Variants in FAT4 observed in about 807,000 individuals in gnomAD.
FAT4 encodes FAT atypical cadherin 4, also known as protocadherin Fat 4.
A neutral mutation model predicts 303.9 loss-of-function variants in FAT4; 84 were observed. The ratio of observed to expected loss-of-function variants is 0.28; its 90% CI spans 0.23 to 0.33. The LOEUF (loss-of-function observed/expected upper bound fraction) is 0.33. Ranked by LOEUF, FAT4 falls within the 10% of genes least tolerant of loss-of-function variation. The pLI is 1.00. For synonymous variants in FAT4, 2,307 were observed against 2,298.8 expected (o/e 1.00, Z -0.10); for missense variants, 6,005 against 6,146.8 (o/e 0.98, Z 0.77).
At chr4:125,355,509 C>T (rs987199797) in intron 2 of FAT4, among the ~76,000 whole-genome samples, 2 of 151,950 alleles carry the variant, frequency 1.3e-5, no homozygotes, top group Admixed American at 1.3e-4. Context: ...TTTTTACTAG[C>T]TTTGTGCCCT....
At chr4:125,385,023 TA>T (rs373856910) in intron 2 of FAT4, among the ~76,000 whole-genome samples, 13,656 of 67,346 alleles carry the variant, frequency 0.2, 662 homozygotes, top group East Asian at 0.28. Flanking sequence ...TATATATATA[TA>T]TTTTTTTTTT....
chr4:125,468,551 T>G lies in FAT4; in HGVS notation c.11945T>G (p.Phe3982Cys), dbSNP rs374280237. 9.5e-5 allele frequency: 154 copies of G among 1,612,974 alleles called. No individual in the cohort carries two copies. The highest frequency in any genetic ancestry group is 1.3e-4 in the Non-Finnish European group (151 of 1,179,228). ...GKHCELNSYG[F>C]EELSYMEFPS... ...CACTGCGAGTTGAACAGTTATGGAT[T>G]TGAGGAGTTATCATACATGGAATTT... The change falls in exon 12 of 18, where the codon TTT (phenylalanine) becomes TGT (cysteine). Residue 3982 changes from phenylalanine (F) to cysteine (C), a missense_variant. Transcript: ENST00000394329.
At position 125,415,642 on chromosome 4, in the gene FAT4, T is replaced by C. The variant is rs746068926; in HGVS notation, c.6679T>C (p.Leu2227=). ...LDREKTPTYH[L]TVQATDRGST... is the part of the protein sequence containing the mutation. ...TAGAGAAAAGACCCCTACCTACCAT[T>C]TAACTGTTCAGGCAACAGATCGAGG... Residue 2227 remains leucine (L), a synonymous_variant, in exon 6 of 18, where the codon TTA becomes CTA. Transcript: ENST00000394329. 6.2e-7 allele frequency: 1 copy of C among 1,614,008 alleles called. No homozygotes were observed. Among genetic ancestry groups the C allele is most frequent in the Admixed American group, 1.7e-5 (1 of 59,988 alleles).
chr4:125,456,668 G>T (rs1246327110), intron 10 of FAT4, among the ~76,000 whole-genome samples: 1 of 151,972 alleles, frequency 6.6e-6, no homozygotes, highest in Non-Finnish European at 1.5e-5. Flanking sequence ...TTTTGTAGAG[G>T]TAATCTCTGA....
intron 5 of FAT4, among the ~76,000 whole-genome samples, chr4:125,413,183 G>T (rs901467766): frequency 6.6e-6 from 1 of 151,726 alleles, no homozygotes; most frequent in Non-Finnish European, 1.5e-5. Flanking sequence ...TGTGAAGATA[G>T]TGGAAATTTT....
intron 6 of FAT4, 96 bp from the exon 7 acceptor site, chr4:125,416,352 A>C: frequency 9.2e-7 from 1 of 1,084,204 alleles, no homozygotes; most frequent in Non-Finnish European, 1.3e-6. Context: ...GGAATCTCTT[A>C]ACATAGTTTT....
At chr4:125,392,568 C>T (rs1050329528) in intron 2 of FAT4, among the ~76,000 whole-genome samples, 1 of 152,098 alleles carries the variant, frequency 6.6e-6, no homozygotes, top group Non-Finnish European at 1.5e-5. Flanking sequence ...CTGATATTTA[C>T]AGAGAATTTA....
At chr4:125,409,318 G>A in intron 5 of FAT4, among the ~76,000 whole-genome samples, 1 of 150,764 alleles carries the variant, frequency 6.6e-6, no homozygotes, top group Admixed American at 6.6e-5. Flanking sequence ...GTGCAATGAT[G>A]CAATCTCAGC....
chr4:125,396,926 G>GTA (rs66744105), intron 2 of FAT4, among the ~76,000 whole-genome samples: 32 of 143,894 alleles, frequency 2.2e-4, no homozygotes, highest in African/African-American at 7.7e-4. Context: ...ATGTGTGTGT[G>GTA]TATATATATA....
In FAT4 at chr4:125,452,026, C is replaced by G; in HGVS notation, c.11016C>G (p.Ser3672=). ...CAGGGGGTACTTGTGATCTGAATTC[C>G]CAGCCAAGGTCCACAGATGGCACGT... is the stretch of plus-strand genomic sequence containing the variant. ...SIPGGTCDLN[S]QPRSTDGTFD... Residue 3672 remains serine, a synonymous_variant, in exon 10 of 18, where the codon TCC becomes TCG. Transcript: ENST00000394329. 1 of 1,614,102 alleles carries G rather than the reference C, an allele frequency of 6.2e-7. No individual in the cohort carries two copies. The highest frequency in any genetic ancestry group is 8.5e-7 in the Non-Finnish European group (1 of 1,180,016).
At chr4:125,480,236 A>T (rs1173559560) in intron 15 of FAT4, among the ~76,000 whole-genome samples, 1 of 152,070 alleles carries the variant, frequency 6.6e-6, no homozygotes, top group East Asian at 1.9e-4. Flanking sequence ...ATTTTTGTGC[A>T]TAAAAAGGTA....
In FAT4 at chr4:125,491,552, A is replaced by T; in HGVS notation, c.14736A>T (p.Pro4912=). 6.2e-7 allele frequency: 1 copy of T among 1,614,212 alleles called. No homozygotes were observed. The highest frequency in any genetic ancestry group is 8.5e-7 in the Non-Finnish European group (1 of 1,180,036). ...GGPVGTQAAA[P]GTADNTLPMK... ...CTGTGGGCACCCAGGCAGCAGCACC[A>T]GGCACTGCTGACAACACACTGCCCA... The change falls in exon 18 of 18, where the codon CCA becomes CCT. Residue 4912 remains proline (P), a synonymous_variant. Coordinates refer to ENST00000394329, the MANE Select transcript of FAT4 (RefSeq NM_001291303.3).
intron 3 of FAT4, among the ~76,000 whole-genome samples, chr4:125,403,230 T>G (rs1734457278): frequency 6.6e-6 from 1 of 152,068 alleles, no homozygotes; most frequent in South Asian, 2.1e-4. Flanking sequence ...GCAGGTAATA[T>G]TATCATCCCA....
rs748409312 is a variant in FAT4 at position 125,434,421 on chromosome 4, A to G, written c.7195A>G (p.Ile2399Val). 7.4e-6 allele frequency: 12 copies of G among 1,613,860 alleles called. No individual in the cohort carries two copies. The highest frequency in any genetic ancestry group is 9.3e-6 in the Non-Finnish European group (11 of 1,179,832). Residue 2399 changes from isoleucine to valine, a missense_variant, in exon 8 of 18, where the codon ATA (isoleucine) becomes GTA (valine). Transcript: ENST00000394329. The stretch of plus-strand genomic sequence containing the variant: ...TGCTGATGCTTCAAAGAATGCAGTT[A>G]TAAGGTCAGTACATTTTCCTTTGTA... The part of the protein sequence containing the change: ...SDADASKNAV[I>V]SYRIIGGNSQ...
chr4:125,353,682 G>C (rs1357648567), intron 2 of FAT4, among the ~76,000 whole-genome samples: 1 of 151,492 alleles, frequency 6.6e-6, no homozygotes, highest in Admixed American at 6.6e-5. Flanking sequence ...TATCAGTGCT[G>C]GTATTGTTGT....
intron 2 of FAT4, among the ~76,000 whole-genome samples, chr4:125,376,725 C>A (rs1733340244): frequency 6.6e-6 from 1 of 151,996 alleles, no homozygotes; most frequent in Admixed American, 6.6e-5. Flanking sequence ...CATAGAGAAA[C>A]CCGGTCTCTA....
intron 5 of FAT4, among the ~76,000 whole-genome samples, chr4:125,411,606 A>G (rs1235599229): frequency 6.6e-6 from 1 of 151,614 alleles, no homozygotes; most frequent in East Asian, 1.9e-4. Flanking sequence ...CAGCTATGTG[A>G]AAAGTTGACA....
At chr4:125,386,670 C>T (rs1733762548) in intron 2 of FAT4, among the ~76,000 whole-genome samples, 1 of 152,078 alleles carries the variant, frequency 6.6e-6, no homozygotes, top group Non-Finnish European at 1.5e-5. Context: ...ATATACTTTA[C>T]AATTTATATC....
intron 7 of FAT4, among the ~76,000 whole-genome samples, chr4:125,425,436 T>G (rs565312000): frequency 6.6e-6 from 1 of 152,144 alleles, no homozygotes; most frequent in South Asian, 2.1e-4. Flanking sequence ...TTCTTCCCTT[T>G]GGATTAAATT....
Sources: gnomAD v4.1 joint callset for allele counts (sites outside exome capture counted in the v4.1 genomes callset) on GRCh38, gnomAD v4.1.1 for gene constraint, MANE v1.5 for transcripts, NCBI Gene and HGNC (gene_info 2026-07-23, HGNC 2026-07-21) for gene names.